Variants in AKAP12 observed in about 807,000 individuals in gnomAD.
AKAP12 encodes the protein A-kinase anchor protein 12.
In AKAP12, 32 loss-of-function variants were observed where a neutral mutation model predicts 79.9. That is an observed-to-expected ratio of 0.40 (90% confidence interval 0.30 to 0.54). AKAP12 has a LOEUF of 0.54. Among genes scored for constraint, AKAP12 ranks in the 20% least tolerant of loss-of-function variants. The pLI, the probability that AKAP12 is intolerant of heterozygous loss-of-function variation, is 0.48. For missense variants in AKAP12, 2,074 were observed against 2,177.0 expected (o/e 0.95, Z 0.94); for synonymous variants, 808 against 857.0 (o/e 0.94, Z 1.00).
intron 2 of AKAP12, among the ~76,000 whole-genome samples, chr6:151,245,242 T>C (rs1797047363): frequency 6.6e-6 from 1 of 152,118 alleles, no homozygotes; most frequent in Admixed American, 6.6e-5. Flanking sequence ...GCAGTAGCCA[T>C]TCATGCGAAG....
chr6:151,351,655 A>G lies in AKAP12; in HGVS notation c.3264A>G (p.Lys1088=), dbSNP rs1778294388. 6.2e-7 allele frequency: 1 copy of G among 1,614,094 alleles called. No homozygotes were observed. Among genetic ancestry groups the G allele is most frequent in the African/African-American group, 1.3e-5 (1 of 74,946 alleles). Residue 1088 remains lysine, a synonymous_variant, in exon 4 of 5, where the codon AAA becomes AAG. Transcript: ENST00000402676. This position sits in a 1 kb window ranked among gnomAD's most constrained non-coding sequence, Gnocchi z 4.4. ...EEQAEASGLK[K]ETDVVLKVDA... ...AGGCTGAAGCGTCGGGTCTGAAGAA[A>G]GAGACGGATGTAGTGTTGAAAGTAG...
intron 3 of AKAP12, among the ~76,000 whole-genome samples, chr6:151,347,915 T>C (rs1778143983): frequency 6.6e-6 from 1 of 151,838 alleles, no homozygotes; most frequent in Non-Finnish European, 1.5e-5. Flanking sequence ...CTCACGCCTG[T>C]AATCCCAGCA....
rs1288074176 is a variant in AKAP12, at chr6:151,351,444, A to C, written c.3053A>C (p.Glu1018Ala). 1.2e-6 allele frequency: 2 copies of C among 1,614,064 alleles called. No individual in the cohort carries two copies. The highest frequency in any genetic ancestry group is 1.7e-6 in the Non-Finnish European group (2 of 1,180,038). The change falls in exon 4 of 5, where the codon GAG becomes GCG. Residue 1018 changes from glutamate to alanine, a missense_variant. Coordinates refer to ENST00000402676, the MANE Select transcript of AKAP12 (RefSeq NM_005100.4). This position sits in a 1 kb window ranked among gnomAD's most constrained non-coding sequence, Gnocchi z 4.4. ...ACCGACTCCCCAGACACCACAGAGG[A>C]GGCCACTCCGGTGCAGGAGGTGGAA... is the stretch of plus-strand genomic sequence containing the variant. The part of the protein sequence containing the change: ...QLTDSPDTTE[E>A]ATPVQEVEGG...
intron 2 of AKAP12, among the ~76,000 whole-genome samples, chr6:151,295,522 C>T (rs1050435201): frequency 6.6e-6 from 1 of 152,184 alleles, no homozygotes; most frequent in Non-Finnish European, 1.5e-5. Flanking sequence ...TCAAGCTCTG[C>T]TGCTGTGCAG....
intron 2 of AKAP12, among the ~76,000 whole-genome samples, chr6:151,266,582 C>G (rs1423523375): frequency 1.3e-5 from 2 of 152,168 alleles, no homozygotes; most frequent in African/African-American, 4.8e-5. Flanking sequence ...ACATGTCTCA[C>G]CATATAAGTG....
intron 2 of AKAP12, among the ~76,000 whole-genome samples, chr6:151,270,197 C>T (rs1196985456): frequency 6.6e-6 from 1 of 152,148 alleles, no homozygotes; most frequent in Non-Finnish European, 1.5e-5. Context: ...GCTGGGATTA[C>T]AGGCATGCAC....
intron 2 of AKAP12, among the ~76,000 whole-genome samples, chr6:151,287,302 C>G (rs1255435867): frequency 2.0e-5 from 3 of 151,902 alleles, no homozygotes; most frequent in African/African-American, 7.3e-5. Context: ...CTCTGTTGCC[C>G]AGGCTGGAGT....
intron 3 of AKAP12, among the ~76,000 whole-genome samples, chr6:151,322,326 A>G (rs898007635): frequency 1.3e-5 from 2 of 152,134 alleles, no homozygotes; most frequent in African/African-American, 4.8e-5. Context: ...GGTCATTTGT[A>G]TATTTTCTTT....
chr6:151,320,047 A>G (rs1055423889), intron 3 of AKAP12: 2 of 152,186 alleles, frequency 1.3e-5, no homozygotes, highest in Non-Finnish European at 2.9e-5. Flanking sequence ...TTAGTGTGCA[A>G]GTCCATTCTT....
At chr6:151,252,568 G>A (rs1170838933) in intron 2 of AKAP12, among the ~76,000 whole-genome samples, 1 of 151,880 alleles carries the variant, frequency 6.6e-6, no homozygotes, top group East Asian at 1.9e-4. Flanking sequence ...AGAAGTGCAG[G>A]TGGAACCAAA....
At chr6:151,329,949 G>A (rs1777625522) in intron 3 of AKAP12, among the ~76,000 whole-genome samples, 1 of 152,208 alleles carries the variant, frequency 6.6e-6, no homozygotes, top group Non-Finnish European at 1.5e-5. Context: ...TCGTTGTGAA[G>A]ATGCTAATAC....
chr6:151,308,721 A>G (rs538909455), intron 3 of AKAP12, among the ~76,000 whole-genome samples: 3 of 152,206 alleles, frequency 2.0e-5, no homozygotes, highest in South Asian at 4.2e-4. Context: ...GCAACTTGGC[A>G]TACTCCTTCT....
chr6:151,250,842 G>A (rs1033298459), intron 2 of AKAP12, among the ~76,000 whole-genome samples: 2 of 151,972 alleles, frequency 1.3e-5, no homozygotes, highest in Non-Finnish European at 2.9e-5. Flanking sequence ...TCCTGACCTC[G>A]TGATCCACCC....
intron 2 of AKAP12, among the ~76,000 whole-genome samples, chr6:151,251,529 A>G (rs1294527865): frequency 2.6e-5 from 4 of 152,168 alleles, no homozygotes; most frequent in Non-Finnish European, 5.9e-5. Context: ...AGATTTTAAG[A>G]GTTGGAAGAT....
At position 151,257,081 on chromosome 6, in the gene AKAP12, G is replaced by A. The variant is rs181817747; in HGVS notation, c.162+16357G>A. ...ATTTCGCTTTTATTTTAGATTCAGG[G>A]GATGCATGTGCAGGTTTGTTAGCTA... On this transcript the variant is annotated intron_variant, in intron 2 of 4. Transcript: ENST00000402676. 4.0e-3 allele frequency among the ~76,000 whole-genome samples: 603 copies of A among 151,980 alleles called. 2 individuals carry two copies. Among genetic ancestry groups the A allele is most frequent in the Middle Eastern group, 6.8e-3 (2 of 294 alleles).
At chr6:151,325,300 T>A in intron 3 of AKAP12, 3 of 985,428 alleles carry the variant, frequency 3.0e-6, no homozygotes, top group Non-Finnish European at 3.6e-6. Context: ...GAGGGAGAAT[T>A]TACTGTCTGT....
chr6:151,340,235 GTTTT>G, intron 3 of AKAP12, among the ~76,000 whole-genome samples: 1 of 133,640 alleles, frequency 7.5e-6, no homozygotes, highest in African/African-American at 2.7e-5. Flanking sequence ...CCCAGCGGTG[GTTTT>G]TTTTTTTTTT....
chr6:151,354,518 T>C (rs752165949), intron 4 of AKAP12, among the ~76,000 whole-genome samples: 11 of 151,900 alleles, frequency 7.2e-5, no homozygotes, highest in Admixed American at 1.3e-4. Context: ...GGACTACAGG[T>C]GCCCGCCACC....
chr6:151,304,501 A>G (rs1776933432), intron 2 of AKAP12, among the ~76,000 whole-genome samples: 2 of 129,338 alleles, frequency 1.5e-5, no homozygotes, highest in East Asian at 2.0e-4. Context: ...AAAAAAAAAA[A>G]AAAAAAAAAA....
Sources: allele counts gnomAD v4.1 joint callset (sites outside exome capture counted in the v4.1 genomes callset), GRCh38; gene constraint gnomAD v4.1.1; non-coding constraint Gnocchi (gnomAD v3.1); transcripts MANE v1.5; gene names NCBI Gene and HGNC (gene_info 2026-07-23, HGNC 2026-07-21).